ECPAS: variants seen among roughly 807,000 people sequenced by gnomAD.
ECPAS encodes proteasome adapter and scaffold protein ECM29.
In ECPAS, 70 loss-of-function variants were observed where a neutral mutation model predicts 255.1. The ratio of observed to expected loss-of-function variants is 0.27; its 90% CI spans 0.23 to 0.33. The LOEUF is 0.33. Among genes scored for constraint, ECPAS ranks in the 10% least tolerant of loss-of-function variants. The pLI is 1.00. For synonymous variants in ECPAS, 784 were observed against 775.0 expected (o/e 1.01, Z -0.19); for missense variants, 1,817 against 2,206.4 (o/e 0.82, Z 3.54).
intron 2 of ECPAS, among the ~76,000 whole-genome samples, chr9:111,451,797 C>T (rs1030279075): frequency 6.6e-6 from 1 of 152,160 alleles, no homozygotes; most frequent in African/African-American, 2.4e-5. Context: ...TTCTCTCCCA[C>T]ATGCAACGTT....
intron 30 of ECPAS, 101 bp downstream of exon 30, chr9:111,389,883 C>A: frequency 8.8e-7 from 1 of 1,139,476 alleles, no homozygotes; most frequent in Non-Finnish European, 1.3e-6. Flanking sequence ...CAGGCACAGA[C>A]TTTCACAAAA....
chr9:111,444,992 CTTTTT>C (rs373389870), intron 3 of ECPAS, among the ~76,000 whole-genome samples: 7,750 of 105,562 alleles, frequency 0.073, 250 homozygotes, highest in East Asian at 0.21. Flanking sequence ...CTGCTCCTGG[CTTTTT>C]TTTTTTTTTT....
In ECPAS at chr9:111,370,474, G is replaced by C; in HGVS notation, c.4935C>G (p.Phe1645Leu). The C allele has an allele frequency of 1.2e-6, 2 of 1,609,336 alleles. No homozygotes were observed. The highest frequency in any genetic ancestry group is 2.7e-5 in the African/African-American group (2 of 74,934). Residue 1645 changes from phenylalanine to leucine, a missense_variant, in exon 45 of 50, where the codon TTC becomes TTG. Around this residue, in one of 4 missense-constraint regions of ECPAS, gnomAD observed 960 missense variants for 1,179.0 expected, o/e 0.81. Transcript: ENST00000684092. ...GTATGACAATGTTAGAGAACTCCTGGAATCTGTCCTCTTTGGTGGCCTTCA... is the reference window on the plus strand; with the variant it reads ...GTATGACAATGTTAGAGAACTCCTGCAATCTGTCCTCTTTGGTGGCCTTCA... ...DILKATKEDR[F>L]QEFSNIVIPL... is the part of the protein sequence containing the mutation.
intron 1 of ECPAS, among the ~76,000 whole-genome samples, chr9:111,474,780 T>C (rs893204453): frequency 1.1e-4 from 16 of 152,220 alleles, no homozygotes; most frequent in East Asian, 7.7e-4. Context: ...ACATTAATCC[T>C]AACAATACTA....
chr9:111,414,698 CAG>C (rs2098200430), intron 18 of ECPAS, 47 bp from the exon 19 acceptor site: 6 of 1,520,104 alleles, frequency 3.9e-6, no homozygotes, highest in Non-Finnish European at 5.4e-6. Context: ...CTCGAAAAGT[CAG>C]TGTGGGAAGG....
In ECPAS at chr9:111,371,678, G is replaced by A. The variant is rs369474247; in HGVS notation, c.4680C>T (p.Leu1560=). 102 of 1,613,776 alleles carry A rather than the reference G, an allele frequency of 6.3e-5. No homozygotes were observed. In the African/African-American group the frequency reaches 6.9e-4, roughly 11 times the overall value. Residue 1560 remains leucine, a synonymous_variant, in exon 43 of 50, where the codon CTC becomes CTT. Transcript: ENST00000684092. ...KQTSSLVPPY[L]GMILTALLQG... ...GCAGCAATGCGGTCAGTATCATTCCGAGATATGGAGGTACTAGAGAGCTAG... is the reference window on the plus strand; with the variant it reads ...GCAGCAATGCGGTCAGTATCATTCCAAGATATGGAGGTACTAGAGAGCTAG...
Position 111,371,717 on chromosome 9 carries a change from T to G in ECPAS, c.4641A>C (p.Ser1547=). The G allele has an allele frequency of 6.2e-7, 1 of 1,613,874 alleles. No homozygotes were observed. The highest frequency in any genetic ancestry group is 2.2e-5 in the East Asian group (1 of 44,882). ...MKAQGAIAMA[S]IAKQTSSLVP... ...CTAGAGAGCTAGTCTGTTTTGCAAT[T>G]GATGCCATGGCAATTGCACCCTGGG... The change falls in exon 43 of 50, where the codon TCA becomes TCC. Residue 1547 remains serine, a synonymous_variant. Coordinates refer to ENST00000684092, the MANE Select transcript of ECPAS (RefSeq NM_001364929.1).
At chr9:111,416,198 G>T in intron 18 of ECPAS, 74 bp downstream of exon 18, 1 of 1,048,168 alleles carries the variant, frequency 9.5e-7, no homozygotes, top group Non-Finnish European at 1.5e-6. Context: ...CAAAATGACA[G>T]ACCCCTCTTT....
At chr9:111,385,245 G>A (rs2098146310) in intron 33 of ECPAS, 92 bp downstream of exon 33, 1 of 706,534 alleles carries the variant, frequency 1.4e-6, no homozygotes. Flanking sequence ...AAAATTATCT[G>A]GAAATGGAAT....
At chr9:111,387,271 T>C (rs2098150693) in intron 31 of ECPAS, among the ~76,000 whole-genome samples, 1 of 151,960 alleles carries the variant, frequency 6.6e-6, no homozygotes. Context: ...AGAGACAGTG[T>C]CTCACTCATC....
At position 111,451,515 on chromosome 9, in the gene ECPAS, T is replaced by C. The variant is rs1386582812; in HGVS notation, c.63A>G (p.Glu21=). Residue 21 remains glutamate, a synonymous_variant, in exon 3 of 50, where the codon GAA becomes GAG. Coordinates refer to ENST00000684092, the MANE Select transcript of ECPAS (RefSeq NM_001364929.1). ...ERVFLRLGHA[E]TDEQLQNIIS... Reference sequence around the variant, plus strand: ...TAATATTCTGTAATTGTTCATCTGTTTCAGCATGGCCAAGTCGTAAAAAGA... The same window carrying C: ...TAATATTCTGTAATTGTTCATCTGTCTCAGCATGGCCAAGTCGTAAAAAGA... 7.0e-6 allele frequency: 11 copies of C among 1,576,946 alleles called. No homozygotes were observed. The Admixed American group carries it at 2.0e-4, about 29-fold the overall frequency.
chr9:111,425,802 T>C lies in ECPAS; in HGVS notation c.1077A>G (p.Thr359=). 1.9e-6 allele frequency: 3 copies of C among 1,584,726 alleles called. No individual in the cohort carries two copies. The South Asian group carries it at 3.4e-5, about 18-fold the overall frequency. Residue 359 remains threonine (T), a synonymous_variant, in exon 11 of 50, where the codon ACA becomes ACG. Transcript: ENST00000684092. ...IQVVYDGLFG[T]NTNSKLRTLS... is the part of the protein sequence containing the mutation. Reference sequence around the variant, plus strand: ...ATGTTCTTAACTTTGAATTTGTATTTGTACCAAAAAGTCCATCATACACCA... The same window carrying C: ...ATGTTCTTAACTTTGAATTTGTATTCGTACCAAAAAGTCCATCATACACCA...
rs758579738 is a variant in ECPAS, at chr9:111,428,083, G to T, written c.1009C>A (p.Arg337Ser). The T allele has an allele frequency of 1.9e-6, 3 of 1,613,510 alleles. No individual in the cohort carries two copies. Among genetic ancestry groups the T allele is most frequent in the East Asian group, 2.2e-5 (1 of 44,840 alleles). The change falls in exon 10 of 50, where the codon CGC becomes AGC. Residue 337 changes from arginine to serine, a missense_variant. Arg to Ser is a moderately radical substitution (Grantham distance 110). Around this residue, in one of 4 missense-constraint regions of ECPAS, gnomAD observed 573 missense variants for 716.2 expected, o/e 0.80. Transcript: ENST00000684092. ...VKLKIVPHLL[R>S]SRQAAETFPA... is the part of the protein sequence containing the mutation. ...AACGTTTCAGCAGCTTGTCTAGAGC[G>T]GAGGAGATGGGGGACAATCTTTAAC... is the stretch of plus-strand genomic sequence containing the variant.
intron 1 of ECPAS, among the ~76,000 whole-genome samples, chr9:111,474,844 G>GT (rs1326755051): frequency 1.3e-5 from 2 of 152,188 alleles, no homozygotes; most frequent in African/African-American, 2.4e-5. Flanking sequence ...ACTTGCAAAG[G>GT]TAAGGTAATT....
intron 35 of ECPAS, among the ~76,000 whole-genome samples, chr9:111,379,453 T>C (rs1177600799): frequency 6.6e-6 from 1 of 152,242 alleles, no homozygotes; most frequent in Non-Finnish European, 1.5e-5. Context: ...CATTATCTTT[T>C]TGCTGGTGGA....
chr9:111,394,700 C>A (rs1029656073), intron 25 of ECPAS, among the ~76,000 whole-genome samples: 1 of 152,170 alleles, frequency 6.6e-6, no homozygotes, highest in South Asian at 2.1e-4. Flanking sequence ...AACCTCAACA[C>A]TACCGACATT....
At position 111,436,885 on chromosome 9, in the gene ECPAS, C is replaced by A. The variant is rs531614294; in HGVS notation, c.708+55G>T. On this transcript the variant is annotated intron_variant, in intron 7 of 49. Coordinates refer to ENST00000684092, the MANE Select transcript of ECPAS (RefSeq NM_001364929.1). ...TATGTTTTATACGGTTCATGAACTT[C>A]ATAGGGGAAAGTGTCCACAATCAAC... is the stretch of plus-strand genomic sequence containing the variant. 2.4e-5 allele frequency: 35 copies of A among 1,441,142 alleles called. No individual in the cohort carries two copies. The South Asian group carries it at 4.2e-4, about 17-fold the overall frequency. The allele number at this position is 1,441,142 out of a possible 1,614,324, so 89.3% of individuals were successfully genotyped here.
At chr9:111,391,518 T>G (rs145709327) in intron 29 of ECPAS, among the ~76,000 whole-genome samples, 44 of 151,460 alleles carry the variant, frequency 2.9e-4, no homozygotes, top group African/African-American at 1.0e-3. Flanking sequence ...GAGGCGGAGG[T>G]TGCAGTGAGC....
At chr9:111,384,809 G>T (rs1348630645) in intron 33 of ECPAS, among the ~76,000 whole-genome samples, 1 of 152,090 alleles carries the variant, frequency 6.6e-6, no homozygotes, top group African/African-American at 2.4e-5. Context: ...AAAAAATTTA[G>T]CTATTAACAG....
Sources: allele counts gnomAD v4.1 joint callset (sites outside exome capture counted in the v4.1 genomes callset), GRCh38; gene constraint gnomAD v4.1.1; regional missense constraint gnomAD v4.1.1; transcripts MANE v1.5; gene names NCBI Gene and HGNC (gene_info 2026-07-23, HGNC 2026-07-21).